The following ADAM22 variants were observed in gnomAD, a reference collection of about 807,000 sequenced individuals.
The protein encoded by ADAM22 is disintegrin and metalloproteinase domain-containing protein 22.
ADAM22 carries 65 observed loss-of-function variants against 144.6 expected under a neutral mutation model. The observed-to-expected ratio is 0.45, with a 90% CI of 0.37 to 0.55. ADAM22 has a LOEUF of 0.55. ADAM22 is among the 20% of genes least tolerant of loss of function. The pLI is 0.00. For missense variants in ADAM22, 974 were observed against 1,184.9 expected (o/e 0.82, Z 2.61); for synonymous variants, 391 against 412.6 (o/e 0.95, Z 0.63).
intron 3 of ADAM22, among the ~76,000 whole-genome samples, chr7:88,006,933 A>C (rs1048875760): frequency 7.6e-4 from 115 of 150,908 alleles, no homozygotes; most frequent in Middle Eastern, 3.4e-3. Context: ...AATAAAGGGT[A>C]TTCAATTAGG....
chr7:87,956,460 T>C (rs1455770964), intron 2 of ADAM22, among the ~76,000 whole-genome samples: 2 of 152,260 alleles, frequency 1.3e-5, no homozygotes, highest in Admixed American at 6.5e-5. Context: ...TGAGATATAA[T>C]TCACACAGTA....
chr7:88,111,341 A>G (rs757888694), intron 5 of ADAM22, among the ~76,000 whole-genome samples: 3 of 150,716 alleles, frequency 2.0e-5, no homozygotes, highest in Non-Finnish European at 4.4e-5. Context: ...TCCATGACTC[A>G]TCCTTTATAA....
At position 88,202,278 on chromosome 7, in the gene ADAM22, A is replaced by G. The variant is rs1349570207; in HGVS notation, c.*5787A>G. On this transcript the variant is annotated 3_prime_UTR_variant, in exon 32 of 32. Transcript: ENST00000413139. Reference sequence around the variant, plus strand: ...AAAAAAGGCTTATTCAGGATAGATAAGCATGTACTCCTTTTTTAACTTGCT... The same window carrying G: ...AAAAAAGGCTTATTCAGGATAGATAGGCATGTACTCCTTTTTTAACTTGCT... The G allele has an allele frequency of 6.6e-6, 1 of 152,208 alleles. No individual in the cohort carries two copies. Among genetic ancestry groups the G allele is most frequent in the Non-Finnish European group, 1.5e-5 (1 of 68,040 alleles). The allele number at this position is 152,208 out of a possible 1,614,324, so 9.4% of individuals were successfully genotyped here. A position where few individuals can be genotyped will look rare whatever the true frequency, so the allele number is the denominator to read the frequency against.
chr7:88,045,888 TTGTGTGTG>T (rs59898382), intron 3 of ADAM22, among the ~76,000 whole-genome samples: 101 of 134,014 alleles, frequency 7.5e-4, no homozygotes, highest in South Asian at 2.4e-3. Flanking sequence ...TCGTATTCTA[TTGTGTGTG>T]TGTGTGTGTG....
chr7:88,056,364 A>T (rs1350235222), intron 3 of ADAM22, among the ~76,000 whole-genome samples: 1 of 152,208 alleles, frequency 6.6e-6, no homozygotes, highest in African/African-American at 2.4e-5. Context: ...TTTCACTTGG[A>T]TGCATCTGTA....
In ADAM22 at chr7:88,151,238, AT is replaced by A; in HGVS notation, c.1618-16del. On this transcript the variant is annotated intron_variant, in intron 19 of 31. Transcript: ENST00000413139. The stretch of plus-strand genomic sequence containing the variant: ...AGCAGATATTGCATCGCTAATGGGT[AT>A]TTGCTTTTCCGTTTTAGGGAATTTG... 1 of 1,614,038 alleles carries A rather than the reference AT, an allele frequency of 6.2e-7. No individual in the cohort carries two copies. The highest frequency in any genetic ancestry group is 8.5e-7 in the Non-Finnish European group (1 of 1,179,928).
At chr7:88,049,700 C>G (rs763627132) in intron 3 of ADAM22, among the ~76,000 whole-genome samples, 1 of 152,078 alleles carries the variant, frequency 6.6e-6, no homozygotes, top group Non-Finnish European at 1.5e-5. Flanking sequence ...CCCGGCCTAC[C>G]GTGTACATTA....
At position 87,953,879 on chromosome 7, in the gene ADAM22, C is replaced by G. The variant is rs537672771; in HGVS notation, c.246+18693C>G. ...AGTTAGCTCTTCTTGTTGAATTGAT[C>G]CCTTTACCATTATGTAATGGCCTTC... On this transcript the variant is annotated intron_variant, in intron 2 of 31. Transcript: ENST00000413139. 2.0e-5 allele frequency among the ~76,000 whole-genome samples: 3 copies of G among 152,240 alleles called. No homozygotes were observed. In the South Asian group the frequency reaches 6.2e-4, roughly 32 times the overall value.
chr7:88,028,698 T>A (rs980636338), intron 3 of ADAM22, among the ~76,000 whole-genome samples: 2 of 152,000 alleles, frequency 1.3e-5, no homozygotes, highest in Admixed American at 6.6e-5. Flanking sequence ...TATACACATA[T>A]GTATATATTT....
At chr7:88,137,670 C>G (rs1305472897) in intron 14 of ADAM22, among the ~76,000 whole-genome samples, 1 of 152,132 alleles carries the variant, frequency 6.6e-6, no homozygotes, top group East Asian at 1.9e-4. Flanking sequence ...CTTCCTTTCA[C>G]AAATTAGTTA....
chr7:88,159,137 A>G (rs1340770876), intron 22 of ADAM22, among the ~76,000 whole-genome samples: 1 of 152,134 alleles, frequency 6.6e-6, no homozygotes, highest in Non-Finnish European at 1.5e-5. Flanking sequence ...TGTGGCACAC[A>G]AACTAGAAAA....
At chr7:88,176,808 A>G (rs948617247) in intron 26 of ADAM22, among the ~76,000 whole-genome samples, 1 of 152,152 alleles carries the variant, frequency 6.6e-6, no homozygotes, top group African/African-American at 2.4e-5. Flanking sequence ...TCTGTTGCCC[A>G]GGCTGGAGTG....
At position 87,967,807 on chromosome 7, in the gene ADAM22, C is replaced by CAAAAAA. The variant is rs35787636; in HGVS notation, c.247-10511_247-10506dup. Among the ~76,000 whole-genome samples the CAAAAAA allele has an allele frequency of 9.9e-3, 602 of 60,904 alleles. 87 individuals are homozygous for CAAAAAA. Among genetic ancestry groups the CAAAAAA allele is most frequent in the African/African-American group, 0.039 (538 of 13,696 alleles). The allele number at this position is 60,904 out of a possible 152,430, so 40.0% of individuals were successfully genotyped here. On this transcript the variant is annotated intron_variant, in intron 2 of 31. Transcript: ENST00000413139. ...TGAGCGACAGAGTGAGACTCTGTCT[C>CAAAAAA]AAAAAAAAAAAAAAAAAAAAAAAGT...
At chr7:88,148,928 A>ATTTT in intron 17 of ADAM22, 49 bp from the exon 18 acceptor site, 1 of 1,382,524 alleles carries the variant, frequency 7.2e-7, no homozygotes, top group Non-Finnish European at 1.0e-6. Flanking sequence ...ATATTGTAAG[A>ATTTT]TTTTTTTTTC....
intron 30 of ADAM22, among the ~76,000 whole-genome samples, chr7:88,188,155 A>G (rs1028385886): frequency 3.3e-5 from 5 of 152,062 alleles, no homozygotes; most frequent in African/African-American, 9.7e-5. Context: ...TGTACCAGCC[A>G]TGGAACCAAA....
intron 22 of ADAM22, among the ~76,000 whole-genome samples, chr7:88,157,937 C>T (rs554607685): frequency 6.6e-6 from 1 of 151,950 alleles, no homozygotes; most frequent in African/African-American, 2.4e-5. Context: ...CTAAATACCC[C>T]ATTTAAAAGG....
intron 15 of ADAM22, among the ~76,000 whole-genome samples, chr7:88,144,595 G>GT (rs1192028104): frequency 6.6e-6 from 1 of 152,010 alleles, no homozygotes; most frequent in African/African-American, 2.4e-5. Flanking sequence ...GTAATAAAGG[G>GT]TTTTTTCACA....
In ADAM22 at chr7:88,102,355, C is replaced by T. The variant is rs557517477; in HGVS notation, c.391-5821C>T. On this transcript the variant is annotated intron_variant, in intron 4 of 31. Transcript: ENST00000413139. ...CCGGGCATCAGTTGGTTTAGAAAGC[C>T]TACCATGGTACTTCTGAGAGTCAGT... 2.0e-5 allele frequency among the ~76,000 whole-genome samples: 3 copies of T among 152,274 alleles called. No individual in the cohort carries two copies. In the East Asian group the frequency reaches 5.8e-4, roughly 29 times the overall value.
At position 88,193,111 on chromosome 7, in the gene ADAM22, C is replaced by T; in HGVS notation, c.2751-5C>T. The stretch of plus-strand genomic sequence containing the variant: ...GATACTTAATTCATGTTCTCAACAT[C>T]TCAGGACTTTATCTCCTGCCAAGTC... On this transcript the variant is annotated splice_polypyrimidine_tract_variant and splice_region_variant and intron_variant, in intron 30 of 31. Coordinates refer to ENST00000413139, the MANE Select transcript of ADAM22 (RefSeq NM_001324418.2). The T allele has an allele frequency of 6.2e-7, 1 of 1,613,940 alleles. No homozygotes were observed. Among genetic ancestry groups the T allele is most frequent in the Non-Finnish European group, 8.5e-7 (1 of 1,179,888 alleles).
Sources: allele counts gnomAD v4.1 joint callset (sites outside exome capture counted in the v4.1 genomes callset), GRCh38; gene constraint gnomAD v4.1.1; transcripts MANE v1.5; gene names NCBI Gene and HGNC (gene_info 2026-07-23, HGNC 2026-07-21).